SLC25A19: variants seen among roughly 807,000 people sequenced by gnomAD.
The protein encoded by SLC25A19 is solute carrier family 25 member 19.
SLC25A19 carries 18 observed loss-of-function variants against 27.9 expected under a neutral mutation model. That is an observed-to-expected ratio of 0.64 (90% confidence interval 0.45 to 0.96). The LOEUF (loss-of-function observed/expected upper bound fraction) is 0.96, where lower values mean the gene tolerates loss of function less well. SLC25A19 is among the 40% of genes least tolerant of loss of function. SLC25A19 has a pLI of 0.00. For synonymous variants in SLC25A19, 169 were observed against 167.1 expected, an observed-to-expected ratio of 1.01 and a Z score of -0.09; for missense variants, 371 against 418.3, an observed-to-expected ratio of 0.89 and a Z score of 0.99.
At chr17:75,276,749 A>G (rs1253708517) in intron 7 of SLC25A19, among the ~76,000 whole-genome samples, 1 of 122,834 alleles carries the variant, frequency 8.1e-6, no homozygotes, top group African/African-American at 3.0e-5. Context: ...ATCTCAGCTC[A>G]CTGCAAACTC....
chr17:75,287,874 T>C (rs1254361708), intron 2 of SLC25A19, among the ~76,000 whole-genome samples: 1 of 152,214 alleles, frequency 6.6e-6, no homozygotes, highest in Admixed American at 6.5e-5. Flanking sequence ...CCAGGCACCG[T>C]GGCTCACGCC....
At chr17:75,282,677 C>A (rs112955067) in intron 5 of SLC25A19, among the ~76,000 whole-genome samples, 12 of 150,914 alleles carry the variant, frequency 8.0e-5, no homozygotes, top group African/African-American at 2.9e-4. Context: ...CTGGTGAAAC[C>A]CTGTCTCTAC....
At chr17:75,283,655 C>A in intron 4 of SLC25A19, 62 bp from the exon 5 acceptor site, 2 of 1,525,302 alleles carry the variant, frequency 1.3e-6, no homozygotes, top group Non-Finnish European at 1.8e-6. Context: ...ACCAAATACT[C>A]CCCAAATACA....
At chr17:75,275,976 AT>A (rs1210835958) in intron 7 of SLC25A19, among the ~76,000 whole-genome samples, 5 of 147,992 alleles carry the variant, frequency 3.4e-5, no homozygotes, top group Non-Finnish European at 4.5e-5. Context: ...GTCTCAAAAA[AT>A]ATATATATAT....
In SLC25A19 at chr17:75,273,618, T is replaced by C; in HGVS notation, c.796A>G (p.Met266Val). ...TGCAGCACCTGCTTGGCACAGTCCA[T>C]GAGGCCCTTGTATCTCCGTACCTGG... Reference protein sequence around the residue: ...FGQVRRYKGLMDCAKQVLQKE... With the variant: ...FGQVRRYKGLVDCAKQVLQKE... The change falls in exon 8 of 8, where the codon ATG becomes GTG. Residue 266 changes from methionine (M) to valine (V), a missense_variant. Transcript: ENST00000416858. 6.2e-7 allele frequency: 1 copy of C among 1,612,888 alleles called. No homozygotes were observed.
intron 6 of SLC25A19, 75 bp from the exon 7 acceptor site, chr17:75,277,558 G>A: frequency 6.4e-7 from 1 of 1,566,302 alleles, no homozygotes; most frequent in Non-Finnish European, 8.8e-7. Flanking sequence ...AAAGGCGTCA[G>A]GGCTAATCCT....
chr17:75,285,885 C>G (rs1238405777), intron 4 of SLC25A19, among the ~76,000 whole-genome samples: 1 of 152,236 alleles, frequency 6.6e-6, no homozygotes, highest in African/African-American at 2.4e-5. Context: ...CTAGCCCCGC[C>G]ATGTGCAGGC....
chr17:75,275,860 T>C (rs2077871989), intron 7 of SLC25A19, among the ~76,000 whole-genome samples: 2 of 151,980 alleles, frequency 1.3e-5, no homozygotes, highest in South Asian at 2.1e-4. Context: ...TAATCCCAGC[T>C]GCTTGGAGGC....
intron 5 of SLC25A19, among the ~76,000 whole-genome samples, chr17:75,280,800 G>C (rs566669834): frequency 6.6e-6 from 1 of 152,038 alleles, no homozygotes; most frequent in Admixed American, 6.6e-5. Context: ...AATTAGCTGG[G>C]CATGGTAGCG....
In SLC25A19 at chr17:75,289,253, G is replaced by C. The variant is rs62089333; in HGVS notation, c.-129+101C>G. ...GTGTGTACACAGTCCCCGCCCTCTC[G>C]TGAGCGCCCGGGTGCGTGTGCTCCC... On this transcript the variant is annotated intron_variant, in intron 1 of 7. Transcript: ENST00000416858. The C allele has an allele frequency of 0.16, 24,210 of 152,232 alleles. 2,324 individuals are homozygous for C. The highest frequency in any genetic ancestry group is 0.28 in the Middle Eastern group (82 of 298). 9.4% of individuals were successfully genotyped at this position (152,232 alleles called of 1,614,324 possible). A position where few individuals can be genotyped will look rare whatever the true frequency, so the allele number is the denominator to read the frequency against.
In SLC25A19 at chr17:75,283,558, G is replaced by C. The variant is rs146573563; in HGVS notation, c.324C>G (p.His108Gln). ...LSFEMLTELV[H>Q]RGSVYDAREF... ...CCCGGGCGTCATACACGCTGCCTCT[G>C]TGGACCAGCTCCGTCAGCATTTCAA... The change falls in exon 5 of 8, where the codon CAC becomes CAG. Residue 108 changes from histidine (H) to glutamine (Q), a missense_variant. Transcript: ENST00000416858. The C allele has an allele frequency of 1.0e-4, 162 of 1,613,720 alleles. 2 individuals are homozygous for C. Among genetic ancestry groups the C allele is most frequent in the East Asian group, 3.8e-4 (17 of 44,874 alleles).
At chr17:75,283,624 GC>G (rs751794002) in intron 4 of SLC25A19, 31 bp from the exon 5 acceptor site, 2 of 1,602,772 alleles carry the variant, frequency 1.2e-6, no homozygotes, top group Admixed American at 3.4e-5. Context: ...GTCACCGACA[GC>G]CCAAAGGATG....
At chr17:75,286,515 G>C in intron 3 of SLC25A19, 56 bp from the exon 4 acceptor site, 1 of 1,613,064 alleles carries the variant, frequency 6.2e-7, no homozygotes, top group Non-Finnish European at 8.5e-7. Context: ...ATGTGAAGGG[G>C]AACTTTCAGA....
chr17:75,284,633 C>CATTTTTTTTTTTTTTT lies in SLC25A19; in HGVS notation c.289-1041_289-1040insAAAAAAAAAAAAAAAT, dbSNP rs776356552. Reference sequence around the variant, plus strand: ...GTGACCCCCTTACATTCAGATCTTTCTTTTTTTTTTTTTTTTTTTTTTTTT... The same window carrying CATTTTTTTTTTTTTTT: ...GTGACCCCCTTACATTCAGATCTTTCATTTTTTTTTTTTTTTTTTTTTTTTTTTTTTTTTTTTTTTT... On this transcript the variant is annotated intron_variant, in intron 4 of 7. Transcript: ENST00000416858. 2.7e-5 allele frequency among the ~76,000 whole-genome samples: 3 copies of CATTTTTTTTTTTTTTT among 112,292 alleles called. 1 individual carries two copies. 73.7% of individuals were successfully genotyped at this position (112,292 alleles called of 152,430 possible).
chr17:75,278,114 G>A (rs1274774572), intron 6 of SLC25A19, 38 bp downstream of exon 6: 2 of 1,607,754 alleles, frequency 1.2e-6, no homozygotes, highest in South Asian at 2.2e-5. Context: ...CTGGTGGCTG[G>A]GGTGGGAGGG....
chr17:75,283,467 C>T lies in SLC25A19; in HGVS notation c.415G>A (p.Val139Met), dbSNP rs752904425. ...ACMATLTVHP[V>M]DVLRTRFAAQ... ...GCAAAGCGGGTGCGCAGAACATCCACGGGGTGCACAGTGAGGGTGGCCATA... is the reference window on the plus strand; with the variant it reads ...GCAAAGCGGGTGCGCAGAACATCCATGGGGTGCACAGTGAGGGTGGCCATA... The change falls in exon 5 of 8, where the codon GTG becomes ATG. Residue 139 changes from valine (V) to methionine (M), a missense_variant. Transcript: ENST00000416858. The T allele has an allele frequency of 1.4e-5, 23 of 1,612,756 alleles. No individual in the cohort carries two copies. The highest frequency in any genetic ancestry group is 1.3e-4 in the East Asian group (6 of 44,890).
chr17:75,283,162 G>C (rs1444226212), intron 5 of SLC25A19, among the ~76,000 whole-genome samples: 4 of 151,122 alleles, frequency 2.6e-5, no homozygotes, highest in Non-Finnish European at 1.5e-5. Flanking sequence ...TTAGCCAGGC[G>C]TGGTGGCGGG....
At chr17:75,276,139 G>C (rs1018969474) in intron 7 of SLC25A19, among the ~76,000 whole-genome samples, 1 of 152,092 alleles carries the variant, frequency 6.6e-6, no homozygotes, top group African/African-American at 2.4e-5. Flanking sequence ...GCTGGGCGTG[G>C]TGGCACGCGC....
chr17:75,278,733 G>A (rs2145748262), intron 5 of SLC25A19, among the ~76,000 whole-genome samples: 1 of 152,236 alleles, frequency 6.6e-6, no homozygotes, highest in Middle Eastern at 3.4e-3. Flanking sequence ...TGTAATCCCA[G>A]CACTTTGGGG....
Sources: allele counts gnomAD v4.1 joint callset (sites outside exome capture counted in the v4.1 genomes callset), GRCh38; gene constraint gnomAD v4.1.1; transcripts MANE v1.5; gene names NCBI Gene and HGNC (gene_info 2026-07-23, HGNC 2026-07-21).